The following KLHL1 variants were observed in gnomAD, a reference collection of about 807,000 sequenced individuals.
KLHL1 encodes kelch-like protein 1.
A neutral mutation model predicts 77.7 loss-of-function variants in KLHL1; 47 were observed. That is an observed-to-expected ratio of 0.60 (90% CI 0.48 to 0.77). The LOEUF (loss-of-function observed/expected upper bound fraction) is 0.77. Among genes scored for constraint, KLHL1 ranks in the 30% least tolerant of loss-of-function variants. The pLI, the probability that KLHL1 is intolerant of heterozygous loss-of-function variation, is 0.00. For missense variants in KLHL1, 925 were observed against 910.8 expected (o/e 1.02, Z -0.20); for synonymous variants, 360 against 325.2 (o/e 1.11, Z -1.15).
intron 5 of KLHL1, among the ~76,000 whole-genome samples, chr13:69,856,289 CT>C: frequency 6.6e-6 from 1 of 152,078 alleles, no homozygotes; most frequent in South Asian, 2.1e-4. Context: ...CTCAAGTTTC[CT>C]TTTTTGTAAT....
chr13:70,022,679 A>C (rs1055766752), intron 1 of KLHL1, among the ~76,000 whole-genome samples: 9 of 151,904 alleles, frequency 5.9e-5, no homozygotes, highest in African/African-American at 2.2e-4. Flanking sequence ...TATGTATGGA[A>C]ATCAGTGGGC....
intron 1 of KLHL1, among the ~76,000 whole-genome samples, chr13:70,039,637 C>CTTTT (rs773600359): frequency 9.6e-5 from 12 of 125,484 alleles, no homozygotes; most frequent in African/African-American, 2.7e-4. Flanking sequence ...ATTCCTTGAA[C>CTTTT]TTTTTTTTTT....
chr13:69,760,552 A>G (rs1023706917), intron 7 of KLHL1, among the ~76,000 whole-genome samples: 1 of 151,858 alleles, frequency 6.6e-6, no homozygotes, highest in African/African-American at 2.4e-5. Context: ...ACAGGGTTTC[A>G]TCATATTTCC....
intron 1 of KLHL1, among the ~76,000 whole-genome samples, chr13:70,046,159 G>T (rs76150816): frequency 0.071 from 10,851 of 151,972 alleles, 459 homozygotes; most frequent in Non-Finnish European, 0.095. Context: ...TACAACCAGT[G>T]AAAAGACAGG....
At chr13:70,093,599 T>C (rs1887720637) in intron 1 of KLHL1, among the ~76,000 whole-genome samples, 1 of 152,152 alleles carries the variant, frequency 6.6e-6, no homozygotes, top group African/African-American at 2.4e-5. Flanking sequence ...TATAGAAATA[T>C]TTTGACACAT....
intron 1 of KLHL1, among the ~76,000 whole-genome samples, chr13:69,995,265 C>T (rs1885122848): frequency 6.6e-6 from 1 of 151,938 alleles, no homozygotes; most frequent in Admixed American, 6.6e-5. Context: ...TGTTATGATT[C>T]CAAGGGTAGA....
Position 69,701,492 on chromosome 13 carries a change from T to C in KLHL1, c.*210A>G, listed in dbSNP as rs552517671. The stretch of plus-strand genomic sequence containing the variant: ...ATAACCATTCCCGAACTAACTAACA[T>C]ATGGCCAGACATTTTTCCTGTATAA... On this transcript the variant is annotated 3_prime_UTR_variant, in exon 11 of 11. Coordinates refer to ENST00000377844, the MANE Select transcript of KLHL1 (RefSeq NM_020866.3). 2.1e-6 allele frequency: 1 copy of C among 487,648 alleles called. No individual in the cohort carries two copies. 30.2% of individuals were successfully genotyped at this position (487,648 alleles called of 1,614,324 possible).
intron 1 of KLHL1, among the ~76,000 whole-genome samples, chr13:70,083,191 A>C (rs768193134): frequency 3.0e-4 from 45 of 152,214 alleles, no homozygotes; most frequent in Non-Finnish European, 4.4e-4. Context: ...GCTAAGCACA[A>C]AAATGAATCT....
intron 4 of KLHL1, among the ~76,000 whole-genome samples, chr13:69,902,830 C>T (rs1466555658): frequency 2.6e-5 from 4 of 151,978 alleles, no homozygotes; most frequent in Non-Finnish European, 5.9e-5. Context: ...GGGTGCAGCA[C>T]ACCAACATAG....
intron 7 of KLHL1, among the ~76,000 whole-genome samples, chr13:69,743,100 G>A (rs1168211702): frequency 6.6e-6 from 1 of 152,146 alleles, no homozygotes; most frequent in Non-Finnish European, 1.5e-5. Context: ...GGGTTGGGTA[G>A]AAAATATTTT....
chr13:69,798,769 T>G (rs1877243429), intron 6 of KLHL1, among the ~76,000 whole-genome samples: 1 of 151,998 alleles, frequency 6.6e-6, no homozygotes, highest in Admixed American at 6.6e-5. Flanking sequence ...AACTAAAAAT[T>G]AAGAGTTATA....
intron 9 of KLHL1, among the ~76,000 whole-genome samples, chr13:69,718,812 A>G (rs1034747652): frequency 5.3e-5 from 8 of 152,130 alleles, no homozygotes; most frequent in African/African-American, 1.9e-4. Context: ...AAGAGTTATA[A>G]GAGAACCTAT....
At chr13:70,009,559 C>A (rs546469505) in intron 1 of KLHL1, among the ~76,000 whole-genome samples, 2 of 152,084 alleles carry the variant, frequency 1.3e-5, no homozygotes, top group East Asian at 3.9e-4. Flanking sequence ...TCCAGCGATG[C>A]GACTATAGGC....
intron 1 of KLHL1, among the ~76,000 whole-genome samples, chr13:70,056,869 GA>G (rs1335933447): frequency 6.6e-6 from 1 of 151,404 alleles, no homozygotes; most frequent in Non-Finnish European, 1.5e-5. Flanking sequence ...CATTTAAAAG[GA>G]AAAAAACAAA....
chr13:70,102,282 C>A (rs1175424333), intron 1 of KLHL1, among the ~76,000 whole-genome samples: 1 of 152,042 alleles, frequency 6.6e-6, no homozygotes, highest in Non-Finnish European at 1.5e-5. Flanking sequence ...TCCTAAAGCC[C>A]TAATTTGGTC....
intron 9 of KLHL1, among the ~76,000 whole-genome samples, chr13:69,708,896 A>G (rs909690078): frequency 3.9e-5 from 6 of 152,018 alleles, no homozygotes; most frequent in African/African-American, 1.4e-4. Context: ...AATTTTTTTC[A>G]CCCATTCAAT....
At chr13:70,107,151 A>C (rs1178818650) in intron 1 of KLHL1, 52 bp downstream of exon 1, 2 of 1,533,898 alleles carry the variant, frequency 1.3e-6, no homozygotes, top group African/African-American at 2.8e-5. Context: ...ACACGCGGTG[A>C]AATGAGTGGA....
chr13:69,715,736 A>G (rs569033738), intron 9 of KLHL1, among the ~76,000 whole-genome samples: 1 of 152,198 alleles, frequency 6.6e-6, no homozygotes, highest in South Asian at 2.1e-4. Flanking sequence ...AATGACAACA[A>G]CAAACTAGCT....
chr13:70,014,736 T>C (rs909031706), intron 1 of KLHL1, among the ~76,000 whole-genome samples: 4 of 152,138 alleles, frequency 2.6e-5, no homozygotes, highest in Non-Finnish European at 5.9e-5. Flanking sequence ...GATGAGATAA[T>C]GTTAGTGGCT....
Sources: gnomAD v4.1 joint callset for allele counts (sites outside exome capture counted in the v4.1 genomes callset) on GRCh38, gnomAD v4.1.1 for gene constraint, MANE v1.5 for transcripts, NCBI Gene and HGNC (gene_info 2026-07-23, HGNC 2026-07-21) for gene names.